Variants in TNFSF4 observed in about 807,000 individuals in gnomAD.
TNFSF4 encodes the protein TNF superfamily member 4.
TNFSF4 carries 4 observed loss-of-function variants against 7.3 expected under a neutral mutation model. That is an observed-to-expected ratio of 0.55 (90% CI 0.27 to 1.25). TNFSF4 has a LOEUF of 1.25. Ranked by LOEUF, TNFSF4 falls within the 50% of genes most tolerant of loss-of-function variation. The pLI is 0.12. For missense variants in TNFSF4, 181 were observed against 208.8 expected, an observed-to-expected ratio of 0.87 and a Z score of 0.82; for synonymous variants, 76 against 83.7, an observed-to-expected ratio of 0.91 and a Z score of 0.50.
chr1:173,376,373 G>A, the TNFSF4 span, among the ~76,000 whole-genome samples: 1 of 152,184 alleles, frequency 6.6e-6, no homozygotes, highest in Admixed American at 6.5e-5. Context: ...CCCACCCAAA[G>A]GTGGGAGTTG....
the TNFSF4 span, among the ~76,000 whole-genome samples, chr1:173,264,039 G>C: frequency 6.6e-6 from 1 of 152,158 alleles, no homozygotes; most frequent in East Asian, 1.9e-4. Context: ...ACTAGGCTTA[G>C]TACCTGGTGA....
the TNFSF4 span, among the ~76,000 whole-genome samples, chr1:173,321,002 A>T: frequency 1.2e-3 from 180 of 152,376 alleles, 1 homozygote; most frequent in African/African-American, 4.0e-3. Flanking sequence ...TGGAACCAAA[A>T]AAGAGCCCAT....
At chr1:173,391,310 G>GTCTCTCTCTC in the TNFSF4 span, among the ~76,000 whole-genome samples, 4,675 of 132,288 alleles carry the variant, frequency 0.035, 164 homozygotes, top group African/African-American at 0.07. Context: ...CTTTCTTTCT[G>GTCTCTCTCTC]TCTCTCTCTC....
rs1649197959 is a variant in TNFSF4 at position 173,185,796 on chromosome 1, T to G, written c.*720A>C. The stretch of plus-strand genomic sequence containing the variant: ...AATCTCTCTTAAGTCACTGATTAGA[T>G]TTTTCAAAGCATCACATCCCCAGAC... On this transcript the variant is annotated 3_prime_UTR_variant, in exon 3 of 3. Transcript: ENST00000281834. 6.6e-6 allele frequency: 1 copy of G among 152,214 alleles called. No homozygotes were observed. The highest frequency in any genetic ancestry group is 1.5e-5 in the Non-Finnish European group (1 of 68,048). 9.4% of individuals were successfully genotyped at this position (152,214 alleles called of 1,614,324 possible).
At chr1:173,443,591 T>A in the TNFSF4 span, among the ~76,000 whole-genome samples, 2 of 152,222 alleles carry the variant, frequency 1.3e-5, no homozygotes, top group African/African-American at 4.8e-5. Flanking sequence ...GATATAGATA[T>A]AAATAGACAC....
chr1:173,236,370 G>C, the TNFSF4 span, among the ~76,000 whole-genome samples: 1 of 149,806 alleles, frequency 6.7e-6, no homozygotes, highest in Admixed American at 6.7e-5. Flanking sequence ...GAATTCCAAG[G>C]CACAGTGTTT....
chr1:173,329,489 C>T, the TNFSF4 span, among the ~76,000 whole-genome samples: 24 of 152,042 alleles, frequency 1.6e-4, no homozygotes, highest in African/African-American at 5.8e-4. Context: ...GGAGGGCCAA[C>T]TACAAAAGGA....
chr1:173,362,929 C>A, the TNFSF4 span: 1 of 444,576 alleles, frequency 2.2e-6, no homozygotes, highest in South Asian at 1.9e-5. Context: ...ACTCGTGCAC[C>A]AAAATAGTTC....
chr1:173,198,841 G>A (rs1436003778), intron 1 of TNFSF4, among the ~76,000 whole-genome samples: 1 of 152,178 alleles, frequency 6.6e-6, no homozygotes, highest in Non-Finnish European at 1.5e-5. Flanking sequence ...TCCTCAACCT[G>A]TGCTCTGATA....
chr1:173,369,983 C>T, the TNFSF4 span, among the ~76,000 whole-genome samples: 8 of 152,180 alleles, frequency 5.3e-5, no homozygotes, highest in African/African-American at 1.9e-4. Context: ...CTCCTCCACC[C>T]AGAAGGAAAC....
At chr1:173,399,245 C>T in the TNFSF4 span, among the ~76,000 whole-genome samples, 3 of 152,302 alleles carry the variant, frequency 2.0e-5, no homozygotes, top group African/African-American at 4.8e-5. Flanking sequence ...CAACCTGCAC[C>T]TATACCCTCA....
the TNFSF4 span, among the ~76,000 whole-genome samples, chr1:173,338,321 G>T: frequency 5.3e-5 from 8 of 152,146 alleles, no homozygotes; most frequent in Non-Finnish European, 7.4e-5. Context: ...ACTATCATCT[G>T]TGGACTTACA....
the TNFSF4 span, among the ~76,000 whole-genome samples, chr1:173,380,626 G>A: frequency 6.6e-6 from 1 of 151,980 alleles, no homozygotes; most frequent in Non-Finnish European, 1.5e-5. Flanking sequence ...CTGCAGCAGC[G>A]TCCCCACCAC....
At chr1:173,264,595 T>A in the TNFSF4 span, among the ~76,000 whole-genome samples, 1 of 152,232 alleles carries the variant, frequency 6.6e-6, no homozygotes, top group Non-Finnish European at 1.5e-5. Context: ...TGCCACATAA[T>A]GTAATGAACA....
chr1:173,265,961 A>G, the TNFSF4 span, among the ~76,000 whole-genome samples: 2 of 152,184 alleles, frequency 1.3e-5, no homozygotes, highest in African/African-American at 4.8e-5. Flanking sequence ...TAACTCCTTA[A>G]TGCTTATGGA....
At chr1:173,236,892 G>T in the TNFSF4 span, among the ~76,000 whole-genome samples, 6 of 152,140 alleles carry the variant, frequency 3.9e-5, no homozygotes, top group Admixed American at 2.6e-4. Context: ...TGGATGCAAG[G>T]TTCATTCAAC....
At chr1:173,297,733 G>A in the TNFSF4 span, among the ~76,000 whole-genome samples, 8 of 152,048 alleles carry the variant, frequency 5.3e-5, no homozygotes, top group African/African-American at 1.9e-4. Context: ...ATGAATGAAT[G>A]AGAGGATGTA....
At chr1:173,200,908 T>C (rs1649916720) in intron 1 of TNFSF4, among the ~76,000 whole-genome samples, 1 of 152,228 alleles carries the variant, frequency 6.6e-6, no homozygotes, top group African/African-American at 2.4e-5. Context: ...AAGAAGCATG[T>C]GTTCTTAAAT....
the TNFSF4 span, among the ~76,000 whole-genome samples, chr1:173,382,169 C>T: frequency 2.0e-5 from 3 of 152,256 alleles, no homozygotes. Flanking sequence ...TGCAGCTTCA[C>T]TCCTGAAGTC....
Sources: allele counts gnomAD v4.1 joint callset (sites outside exome capture counted in the v4.1 genomes callset), GRCh38; gene constraint gnomAD v4.1.1; transcripts MANE v1.5; gene names NCBI Gene and HGNC (gene_info 2026-07-23, HGNC 2026-07-21).